TNRC6B: variants seen among roughly 807,000 people sequenced by gnomAD.
TNRC6B encodes trinucleotide repeat containing adaptor 6B.
Under a neutral mutation model 203.6 loss-of-function variants are expected in TNRC6B, and 52 were observed. That is an observed-to-expected ratio of 0.26 (90% CI 0.20 to 0.32). The LOEUF (loss-of-function observed/expected upper bound fraction) is 0.32, where lower values mean the gene tolerates loss of function less well. Among genes scored for constraint, TNRC6B ranks in the 10% least tolerant of loss-of-function variants. TNRC6B has a pLI of 1.00. For synonymous variants in TNRC6B, 838 were observed against 845.7 expected, an observed-to-expected ratio of 0.99 and a Z score of 0.16; for missense variants, 1,923 against 2,286.2, an observed-to-expected ratio of 0.84 and a Z score of 3.24.
At position 40,083,127 on chromosome 22, in the gene TNRC6B, A is replaced by G. The variant is rs2068074396; in HGVS notation, c.-120-33928A>G. Among the ~76,000 whole-genome samples, 5 of 152,204 alleles carry G rather than the reference A, an allele frequency of 3.3e-5. No homozygotes were observed. In the South Asian group the frequency reaches 8.3e-4, roughly 25 times the overall value. On this transcript the variant is annotated intron_variant, in intron 1 of 23. Coordinates refer to the TNRC6B transcript ENST00000301923. ...GTTTGATATTAAGTTCTGAATTACTATTAGCATTTAAGGATAGAATCAGAG... is the reference window on the plus strand; with the variant it reads ...GTTTGATATTAAGTTCTGAATTACTGTTAGCATTTAAGGATAGAATCAGAG...
chr22:40,186,042 T>TA (rs1214057708), intron 1 of TNRC6B, among the ~76,000 whole-genome samples: 1 of 149,490 alleles, frequency 6.7e-6, no homozygotes, highest in Non-Finnish European at 1.5e-5. Context: ...AGGTCAGAAG[T>TA]GGAGATAAAG....
chr22:40,204,102 A>G (rs1457044602), intron 1 of TNRC6B, among the ~76,000 whole-genome samples: 1 of 152,256 alleles, frequency 6.6e-6, no homozygotes, highest in East Asian at 1.9e-4. Context: ...GTTTTGAGCA[A>G]AATACTTAAC....
intron 1 of TNRC6B, among the ~76,000 whole-genome samples, chr22:40,223,217 C>T (rs543457188): frequency 3.3e-5 from 5 of 151,996 alleles, no homozygotes; most frequent in Admixed American, 6.6e-5. Flanking sequence ...CTCGACTCAC[C>T]GCAAACTCTG....
At chr22:40,139,395 G>A (rs5995819) in intron 3 of TNRC6B, among the ~76,000 whole-genome samples, 53,422 of 149,126 alleles carry the variant, frequency 0.36, 12,376 homozygotes, top group African/African-American at 0.67. Flanking sequence ...GCAGTGGTGC[G>A]ATCCTGGCTA....
chr22:40,058,091 G>T (rs1411542929), intron 1 of TNRC6B, among the ~76,000 whole-genome samples: 5 of 152,142 alleles, frequency 3.3e-5, no homozygotes, highest in Non-Finnish European at 7.3e-5. Flanking sequence ...TTAAACAAAA[G>T]GCCACAATAC....
chr22:40,147,800 T>C (rs2068708635), intron 3 of TNRC6B, among the ~76,000 whole-genome samples: 1 of 152,088 alleles, frequency 6.6e-6, no homozygotes. Flanking sequence ...TCCAATTATA[T>C]ATGAGAAGTC....
intron 1 of TNRC6B, among the ~76,000 whole-genome samples, chr22:40,097,388 C>T (rs1346902375): frequency 2.0e-5 from 3 of 151,994 alleles, no homozygotes; most frequent in East Asian, 3.9e-4. Context: ...TCACTTCAGT[C>T]TCCAACTACT....
At chr22:40,242,931 G>A (rs1477192925) in intron 1 of TNRC6B, among the ~76,000 whole-genome samples, 1 of 151,738 alleles carries the variant, frequency 6.6e-6, no homozygotes, top group Non-Finnish European at 1.5e-5. Flanking sequence ...GTGCAGTGGC[G>A]TAATCTTGGC....
At chr22:40,102,667 G>C (rs565665725) in intron 1 of TNRC6B, among the ~76,000 whole-genome samples, 10 of 152,258 alleles carry the variant, frequency 6.6e-5, no homozygotes, top group Admixed American at 2.6e-4. Context: ...CCCAGTTGTG[G>C]TAGCTCACAC....
At chr22:40,179,907 T>G (rs1388176587) in intron 1 of TNRC6B, among the ~76,000 whole-genome samples, 1 of 152,236 alleles carries the variant, frequency 6.6e-6, no homozygotes, top group Non-Finnish European at 1.5e-5. Context: ...TAAAGCCCTC[T>G]GTCTCTAACA....
At chr22:40,164,397 A>AAT (rs2068899098) in intron 4 of TNRC6B, among the ~76,000 whole-genome samples, 1 of 151,702 alleles carries the variant, frequency 6.6e-6, no homozygotes, top group Non-Finnish European at 1.5e-5. Flanking sequence ...TTAAAAAAAA[A>AAT]AAAAAAAAAA....
In TNRC6B at chr22:40,329,659, C is replaced by T. The variant is rs2146591562; in HGVS notation, c.*6418C>T. ...ACAGGTCAGGGAGTGGAGAGCTACT[C>T]CTCCAGCAGCTCAGCACCCACACTG... On this transcript the variant is annotated 3_prime_UTR_variant, in exon 23 of 23. Coordinates refer to ENST00000454349, the MANE Select transcript of TNRC6B (RefSeq NM_001162501.2). 1 of 152,302 alleles carries T rather than the reference C, an allele frequency of 6.6e-6. No individual in the cohort carries two copies. 9.4% of individuals were successfully genotyped at this position (152,302 alleles called of 1,614,324 possible).
intron 21 of TNRC6B, among the ~76,000 whole-genome samples, chr22:40,319,869 C>T (rs573651746): frequency 1.3e-5 from 2 of 152,238 alleles, no homozygotes; most frequent in African/African-American, 4.8e-5. Flanking sequence ...GAAGGTGTTC[C>T]CCTCAGATAA....
At chr22:40,274,407 T>C (rs1039629005) in intron 7 of TNRC6B, among the ~76,000 whole-genome samples, 5 of 151,798 alleles carry the variant, frequency 3.3e-5, no homozygotes, top group Admixed American at 1.3e-4. Flanking sequence ...AGCAGCTAAA[T>C]GATTAATGAT....
intron 1 of TNRC6B, among the ~76,000 whole-genome samples, chr22:40,211,653 A>G (rs1258790151): frequency 6.6e-6 from 1 of 152,118 alleles, no homozygotes; most frequent in Non-Finnish European, 1.5e-5. Context: ...TATTTTGCGG[A>G]CGTGCTTGCA....
chr22:40,310,566 A>C (rs940439201), intron 16 of TNRC6B, among the ~76,000 whole-genome samples: 6 of 152,208 alleles, frequency 3.9e-5, no homozygotes, highest in African/African-American at 1.4e-4. Flanking sequence ...ACTGAAAGGA[A>C]CATTCAAGCA....
At chr22:40,224,717 C>G (rs939570782) in intron 1 of TNRC6B, among the ~76,000 whole-genome samples, 1 of 152,212 alleles carries the variant, frequency 6.6e-6, no homozygotes, top group Non-Finnish European at 1.5e-5. Flanking sequence ...TTTCTTCTTT[C>G]TCTCCTTTCC....
intron 6 of TNRC6B, 72 bp from the exon 7 acceptor site, chr22:40,273,353 T>G (rs1263813036): frequency 5.1e-6 from 7 of 1,372,010 alleles, no homozygotes; most frequent in Middle Eastern, 4.2e-4. Flanking sequence ...ATGCTGCATC[T>G]GCAAGGAATT....
intron 1 of TNRC6B, among the ~76,000 whole-genome samples, chr22:40,227,415 G>T (rs1249166339): frequency 1.4e-5 from 2 of 140,464 alleles, no homozygotes; most frequent in Non-Finnish European, 1.5e-5. Context: ...GCCCAGGCTG[G>T]AGTGCAGTGG....
Sources: gnomAD v4.1 joint callset for allele counts (sites outside exome capture counted in the v4.1 genomes callset) on GRCh38, gnomAD v4.1.1 for gene constraint, MANE v1.5 for transcripts, NCBI Gene and HGNC (gene_info 2026-07-23, HGNC 2026-07-21) for gene names.